Variants in ZFYVE9 observed in about 807,000 individuals in gnomAD.
The protein encoded by ZFYVE9 is zinc finger FYVE-type containing 9, also known as zinc finger FYVE domain-containing protein 9.
A neutral mutation model predicts 126.7 loss-of-function variants in ZFYVE9; 43 were observed. The observed-to-expected ratio is 0.34, with a 90% CI of 0.27 to 0.44. The LOEUF (loss-of-function observed/expected upper bound fraction) is 0.44, where lower values mean the gene tolerates loss of function less well. Among genes scored for constraint, ZFYVE9 ranks in the 20% least tolerant of loss-of-function variants. The pLI is 1.00. For missense variants in ZFYVE9, 1,476 were observed against 1,697.0 expected, an observed-to-expected ratio of 0.87 and a Z score of 2.29; for synonymous variants, 521 against 597.4, an observed-to-expected ratio of 0.87 and a Z score of 1.87.
chr1:52,181,655 C>A (rs1450055937), intron 1 of ZFYVE9, among the ~76,000 whole-genome samples: 2 of 151,762 alleles, frequency 1.3e-5, no homozygotes, highest in African/African-American at 2.4e-5. Flanking sequence ...TCTTCCCGGC[C>A]GCCATCCCAT....
chr1:52,247,429 G>A (rs72895903), intron 4 of ZFYVE9, among the ~76,000 whole-genome samples: 7,174 of 152,188 alleles, frequency 0.047, 571 homozygotes, highest in African/African-American at 0.16. Context: ...ATGGGTTTGA[G>A]GGTATATGGT....
chr1:52,322,209 A>G (rs1646247030), intron 13 of ZFYVE9, among the ~76,000 whole-genome samples: 1 of 152,174 alleles, frequency 6.6e-6, no homozygotes, highest in Admixed American at 6.5e-5. Flanking sequence ...CAAATCTATC[A>G]GGAAATTCTG....
chr1:52,205,728 T>C lies in ZFYVE9; in HGVS notation c.-142-10641T>C, dbSNP rs1644972461. 4.6e-5 allele frequency among the ~76,000 whole-genome samples: 7 copies of C among 152,092 alleles called. 1 individual carries two copies. The South Asian group carries it at 1.5e-3, about 32-fold the overall frequency. Reference sequence around the variant, plus strand: ...TGTTGATATTTCAGTTTTTTTACTTTGTTGTTCGGATAGAATAGTGACTTC... The same window carrying C: ...TGTTGATATTTCAGTTTTTTTACTTCGTTGTTCGGATAGAATAGTGACTTC... On this transcript the variant is annotated intron_variant, in intron 1 of 18. Coordinates refer to ENST00000287727, the MANE Select transcript of ZFYVE9 (RefSeq NM_004799.4).
At chr1:52,186,776 C>A (rs1644769300) in intron 1 of ZFYVE9, among the ~76,000 whole-genome samples, 1 of 152,078 alleles carries the variant, frequency 6.6e-6, no homozygotes, top group South Asian at 2.1e-4. Context: ...GGTGAAAGAT[C>A]TCTACAATGA....
In ZFYVE9 at chr1:52,334,080, G is replaced by A. The variant is rs576173059; in HGVS notation, c.3590-608G>A. Among the ~76,000 whole-genome samples the A allele has an allele frequency of 1.2e-3, 171 of 147,256 alleles. 2 individuals are homozygous for A. Among genetic ancestry groups the A allele is most frequent in the South Asian group, 4.9e-3 (23 of 4,708 alleles). On this transcript the variant is annotated intron_variant, in intron 14 of 18. Transcript: ENST00000287727. ...TGCACGTCAGCCTGGGTGACAGAGC[G>A]AGACTCCGTCTCAAAAAAAAAAAAA...
chr1:52,241,804 T>C (rs924420333), intron 4 of ZFYVE9, among the ~76,000 whole-genome samples: 6 of 152,190 alleles, frequency 3.9e-5, no homozygotes, highest in Non-Finnish European at 7.3e-5. Flanking sequence ...AATTGGATTA[T>C]GCTGAGAATG....
intron 1 of ZFYVE9, among the ~76,000 whole-genome samples, chr1:52,182,765 T>TA (rs34582292): frequency 0.21 from 31,520 of 150,404 alleles, 6,558 homozygotes; most frequent in African/African-American, 0.54. Flanking sequence ...AAATAAAAAA[T>TA]AAAAAAAAAT....
intron 2 of ZFYVE9, among the ~76,000 whole-genome samples, chr1:52,228,464 A>G (rs927962966): frequency 1.3e-5 from 2 of 151,936 alleles, no homozygotes; most frequent in Non-Finnish European, 1.5e-5. Flanking sequence ...AAGCCTGCAG[A>G]AAAATGGAAA....
intron 13 of ZFYVE9, among the ~76,000 whole-genome samples, chr1:52,326,957 T>C (rs1051244700): frequency 5.3e-5 from 8 of 151,882 alleles, no homozygotes; most frequent in African/African-American, 1.7e-4. Flanking sequence ...GGTCAGGAGA[T>C]AGAGACCATC....
rs140153461 is a variant in ZFYVE9 at position 52,279,384 on chromosome 1, A to G, written c.2869+770A>G. On this transcript the variant is annotated intron_variant, in intron 9 of 18. Coordinates refer to ENST00000287727, the MANE Select transcript of ZFYVE9 (RefSeq NM_004799.4). Reference sequence around the variant, plus strand: ...TTAACTAACACACAGTAAAGCTTCAATACATCATAAATTGAGATTCAGAAG... The same window carrying G: ...TTAACTAACACACAGTAAAGCTTCAGTACATCATAAATTGAGATTCAGAAG... 8.0e-3 allele frequency among the ~76,000 whole-genome samples: 1,216 copies of G among 152,336 alleles called. 17 individuals are homozygous for G. The highest frequency in any genetic ancestry group is 0.027 in the African/African-American group (1,121 of 41,582).
At chr1:52,153,149 G>T (rs1234799147) in intron 1 of ZFYVE9, among the ~76,000 whole-genome samples, 3 of 152,200 alleles carry the variant, frequency 2.0e-5, no homozygotes, top group Non-Finnish European at 4.4e-5. Flanking sequence ...GCTGCAGCTG[G>T]AGGCTGTTAG....
Position 52,233,301 on chromosome 1 carries a change from G to A in ZFYVE9, c.70+25G>A, listed in dbSNP as rs760956301. 4 of 1,542,300 alleles carry A rather than the reference G, an allele frequency of 2.6e-6. No individual in the cohort carries two copies. In the South Asian group the frequency reaches 5.0e-5, roughly 19 times the overall value. On this transcript the variant is annotated intron_variant, in intron 3 of 18. Transcript: ENST00000287727. ...GGTGAGAATTTATATTGGTGAATCTGTTTGCCTATGTGGTATAGAGAATGT... is the reference window on the plus strand; with the variant it reads ...GGTGAGAATTTATATTGGTGAATCTATTTGCCTATGTGGTATAGAGAATGT...
At chr1:52,312,432 C>T (rs1646147086) in intron 13 of ZFYVE9, among the ~76,000 whole-genome samples, 1 of 152,250 alleles carries the variant, frequency 6.6e-6, no homozygotes, top group East Asian at 1.9e-4. Flanking sequence ...GAACATGAAC[C>T]ATAGCTTGAT....
At chr1:52,282,979 T>C (rs1645819400) in intron 10 of ZFYVE9, among the ~76,000 whole-genome samples, 1 of 152,206 alleles carries the variant, frequency 6.6e-6, no homozygotes, top group Non-Finnish European at 1.5e-5. Context: ...TCTTCATTAG[T>C]CTCTACAATA....
rs1230969085 is a variant in ZFYVE9, at chr1:52,266,845, T to C, written c.2455+14T>C. 10 of 1,562,578 alleles carry C rather than the reference T, an allele frequency of 6.4e-6. No individual in the cohort carries two copies. The highest frequency in any genetic ancestry group is 7.8e-6 in the Non-Finnish European group (9 of 1,156,864). On this transcript the variant is annotated intron_variant, in intron 6 of 18. Coordinates refer to ENST00000287727, the MANE Select transcript of ZFYVE9 (RefSeq NM_004799.4). ...CTGGAGCAGAAGGTAGGGGATCATG[T>C]GCTATTCTCTCTCTTTTTCCTCACG...
intron 3 of ZFYVE9, among the ~76,000 whole-genome samples, 176 bp downstream of exon 3, chr1:52,233,452 A>G (rs1645243646): frequency 6.6e-6 from 1 of 152,214 alleles, no homozygotes. Flanking sequence ...CCAGATACTT[A>G]AAATCCCACA....
chr1:52,277,835 AAG>A (rs942248115), intron 8 of ZFYVE9, among the ~76,000 whole-genome samples: 13 of 152,324 alleles, frequency 8.5e-5, no homozygotes, highest in African/African-American at 2.9e-4. Context: ...ATTAAATGAG[AAG>A]AGTTACATTC....
chr1:52,318,405 T>TGTGTGTGC (rs1381695247), intron 13 of ZFYVE9, among the ~76,000 whole-genome samples: 2 of 150,276 alleles, frequency 1.3e-5, no homozygotes, highest in African/African-American at 2.5e-5. Flanking sequence ...TGTGTGTGTG[T>TGTGTGTGC]GTGTGTGTGT....
At chr1:52,200,139 T>A (rs1205838830) in intron 1 of ZFYVE9, among the ~76,000 whole-genome samples, 3 of 151,980 alleles carry the variant, frequency 2.0e-5, no homozygotes, top group Non-Finnish European at 2.9e-5. Context: ...TGTCTTTTCA[T>A]CCTCTTAACA....
Sources: allele counts gnomAD v4.1 joint callset (sites outside exome capture counted in the v4.1 genomes callset), GRCh38; gene constraint gnomAD v4.1.1; transcripts MANE v1.5; gene names NCBI Gene and HGNC (gene_info 2026-07-23, HGNC 2026-07-21).